CLK3: variants seen among roughly 807,000 people sequenced by gnomAD.
CLK3 encodes dual specificity protein kinase CLK3.
In CLK3, 24 loss-of-function variants were observed where a neutral mutation model predicts 65.2. That is an observed-to-expected ratio of 0.37 (90% CI 0.27 to 0.52). The LOEUF is 0.52. Ranked by LOEUF, CLK3 falls within the 20% of genes least tolerant of loss-of-function variation. CLK3 has a pLI of 0.92. For missense variants in CLK3, 506 were observed against 660.0 expected (o/e 0.77, Z 2.56); for synonymous variants, 252 against 240.8 (o/e 1.05, Z -0.43).
At chr15:74,617,621 A>G (rs1183323192) in intron 1 of CLK3, among the ~76,000 whole-genome samples, 1 of 152,266 alleles carries the variant, frequency 6.6e-6, no homozygotes, top group African/African-American at 2.4e-5. Flanking sequence ...ATGTATGGAC[A>G]TAAGAATCTT....
At chr15:74,619,877 A>G in intron 2 of CLK3, 132 bp from the exon 3 acceptor site, 1 of 1,450,222 alleles carries the variant, frequency 6.9e-7, no homozygotes. Flanking sequence ...CTCTCTGCCC[A>G]CTTCCCACCA....
intron 2 of CLK3, among the ~76,000 whole-genome samples, chr15:74,619,761 G>T (rs2062086591): frequency 6.6e-6 from 1 of 152,132 alleles, no homozygotes; most frequent in Non-Finnish European, 1.5e-5. Context: ...ACCCTTGGAG[G>T]CACTCTACCA....
upstream of CLK3, among the ~76,000 whole-genome samples, chr15:74,612,781 A>G (rs1001922081): frequency 6.6e-6 from 1 of 152,202 alleles, no homozygotes; most frequent in Non-Finnish European, 1.5e-5. Context: ...AAGACAGACC[A>G]TGAGGACTGG....
At chr15:74,615,665 C>T (rs1322366796), upstream of CLK3, 1 of 1,246,672 alleles carries the variant, frequency 8.0e-7, no homozygotes, top group East Asian at 3.2e-5. Flanking sequence ...CCTCGGCCCT[C>T]CCGGAACTAG....
intron 7 of CLK3, chr15:74,626,941 A>C (rs1427159522): frequency 1.1e-5 from 5 of 455,628 alleles, no homozygotes; most frequent in African/African-American, 2.0e-5. Flanking sequence ...CACCACCTTA[A>C]TATTCTTAGT....
Position 74,621,373 on chromosome 15 carries a change from A to G in CLK3, c.370-747A>G, listed in dbSNP as rs989130808. The stretch of plus-strand genomic sequence containing the variant: ...AGCTGGCATGGGGCCTGTGTGGGCC[A>G]TTGTGGTAGGAAGCCTGGCAGTCGA... On this transcript the variant is annotated intron_variant, in intron 3 of 12. Coordinates refer to ENST00000395066, the MANE Select transcript of CLK3 (RefSeq NM_001130028.2). The surrounding 1 kb of genome is among the most constrained non-coding windows in gnomAD (Gnocchi z 4.8). The G allele has an allele frequency of 1.2e-5, 2 of 161,970 alleles. No homozygotes were observed. Among genetic ancestry groups the G allele is most frequent in the Non-Finnish European group, 2.7e-5 (2 of 73,508 alleles). 10.0% of individuals were successfully genotyped at this position (161,970 alleles called of 1,614,324 possible).
chr15:74,625,984 CAAA>C lies in CLK3; in HGVS notation c.817+18_817+20del, dbSNP rs2062140748. 6.2e-7 allele frequency: 1 copy of C among 1,612,866 alleles called. No individual in the cohort carries two copies. Among genetic ancestry groups the C allele is most frequent in the Non-Finnish European group, 8.5e-7 (1 of 1,178,980 alleles). ...GCCCTTAGATGTAAGTGTCCACCCT[CAAA>C]AGAAGCATGGGCAGCCACATGCCTG... On this transcript the variant is annotated intron_variant, in intron 7 of 12. Transcript: ENST00000395066.
Position 74,622,082 on chromosome 15 carries a change from G to T in CLK3, c.370-38G>T. 1 of 1,593,890 alleles carries T rather than the reference G, an allele frequency of 6.3e-7. No homozygotes were observed. The highest frequency in any genetic ancestry group is 1.1e-5 in the South Asian group (1 of 90,592). On this transcript the variant is annotated intron_variant, in intron 3 of 12. Coordinates refer to ENST00000395066, the MANE Select transcript of CLK3 (RefSeq NM_001130028.2). This position sits in a 1 kb window ranked among gnomAD's most constrained non-coding sequence, Gnocchi z 4.6. ...TGTCAATCGGAACCGCCTACCATGCGATTGGTCGGATGGCGTTTCGGGGGG... is the reference window on the plus strand; with the variant it reads ...TGTCAATCGGAACCGCCTACCATGCTATTGGTCGGATGGCGTTTCGGGGGG...
upstream of CLK3, among the ~76,000 whole-genome samples, chr15:74,611,440 G>A (rs564756590): frequency 2.4e-4 from 36 of 152,370 alleles, no homozygotes; most frequent in African/African-American, 7.7e-4. Flanking sequence ...CCAAGTCCCA[G>A]CTTGTGCTCC....
chr15:74,622,936 G>A lies in CLK3; in HGVS notation c.533+376G>A, dbSNP rs1231820337. ...TTCTTGGCTTAGCAAGGGGCTAGGA[G>A]TACCAATAAGCCCAGCCCAAGCATA... On this transcript the variant is annotated intron_variant, in intron 5 of 12. Transcript: ENST00000395066. This position sits in a 1 kb window ranked among gnomAD's most constrained non-coding sequence, Gnocchi z 4.6. Among the ~76,000 whole-genome samples the A allele has an allele frequency of 1.3e-5, 2 of 152,178 alleles. No homozygotes were observed. The highest frequency in any genetic ancestry group is 2.4e-5 in the African/African-American group (1 of 41,432).
chr15:74,622,643 T>G lies in CLK3; in HGVS notation c.533+83T>G. 1 of 1,086,900 alleles carries G rather than the reference T, an allele frequency of 9.2e-7. No homozygotes were observed. Among genetic ancestry groups the G allele is most frequent in the Non-Finnish European group, 1.3e-6 (1 of 750,694 alleles). The allele number at this position is 1,086,900 out of a possible 1,614,324, so 67.3% of individuals were successfully genotyped here. A position where few individuals can be genotyped will look rare whatever the true frequency, so the allele number is the denominator to read the frequency against. ...GCCTGAGGTTCTTGAGGGTGGCAGC[T>G]ATCAGAGCTTAACTTTTTTCTTTTT... On this transcript the variant is annotated intron_variant, in intron 5 of 12. Coordinates refer to ENST00000395066, the MANE Select transcript of CLK3 (RefSeq NM_001130028.2). The surrounding 1 kb of genome is among the most constrained non-coding windows in gnomAD (Gnocchi z 4.6).
rs758539023 is a variant in CLK3 at position 74,628,700 on chromosome 15, C to G, written c.1205+17C>G. On this transcript the variant is annotated intron_variant, in intron 11 of 12. Transcript: ENST00000395066. ...CCGTACCAGGTAAGGACCCCAGTAG[C>G]CCCCTCAGGGTTGGTATAGAGGCCT... The G allele has an allele frequency of 6.9e-6, 11 of 1,601,174 alleles. No homozygotes were observed. In the Admixed American group the frequency reaches 1.5e-4, roughly 22 times the overall value.
rs544232030 is a variant in CLK3 at position 74,620,772 on chromosome 15, G to C, written c.369+547G>C. 308 of 153,646 alleles carry C rather than the reference G, an allele frequency of 2.0e-3. 2 individuals carry two copies. Among genetic ancestry groups the C allele is most frequent in the Non-Finnish European group, 3.0e-3 (208 of 68,906 alleles). 9.5% of individuals were successfully genotyped at this position (153,646 alleles called of 1,614,324 possible). A position where few individuals can be genotyped will look rare whatever the true frequency, so the allele number is the denominator to read the frequency against. The stretch of plus-strand genomic sequence containing the variant: ...AGCTCAGACTGGGAACTTCCCTTCT[G>C]ATCTCCAGCCAGGCCCTCTCCAGCC... On this transcript the variant is annotated intron_variant, in intron 3 of 12. Coordinates refer to ENST00000395066, the MANE Select transcript of CLK3 (RefSeq NM_001130028.2).
intron 2 of CLK3, 105 bp from the exon 3 acceptor site, chr15:74,619,904 C>T: frequency 6.5e-7 from 1 of 1,546,084 alleles, no homozygotes; most frequent in Non-Finnish European, 8.7e-7. Flanking sequence ...ATGCTTTTAG[C>T]ACAGGCTGTC....
In CLK3 at chr15:74,627,179, A is replaced by G; in HGVS notation, c.818-173A>G. 1.4e-6 allele frequency: 1 copy of G among 722,802 alleles called. No homozygotes were observed. Among genetic ancestry groups the G allele is most frequent in the African/African-American group, 1.7e-5 (1 of 57,936 alleles). The allele number at this position is 722,802 out of a possible 1,614,324, so 44.8% of individuals were successfully genotyped here. On this transcript the variant is annotated intron_variant, in intron 7 of 12. Coordinates refer to ENST00000395066, the MANE Select transcript of CLK3 (RefSeq NM_001130028.2). The surrounding 1 kb of genome is among the most constrained non-coding windows in gnomAD (Gnocchi z 4.3). ...GAACCCTCCAAGGCCTCAAGTACAG[A>G]GAACCCTTGAGAGGGAGGCCAGCAC...
At chr15:74,628,104 G>A in intron 10 of CLK3, 52 bp downstream of exon 10, 2 of 1,285,556 alleles carry the variant, frequency 1.6e-6, no homozygotes, top group Non-Finnish European at 2.3e-6. Context: ...ACTGTGATAG[G>A]CTGCAGGCCA....
rs370582702 is a variant in CLK3 at position 74,622,064 on chromosome 15, C to T, written c.370-56C>T. 18 of 1,535,224 alleles carry T rather than the reference C, an allele frequency of 1.2e-5. No individual in the cohort carries two copies. The African/African-American group carries it at 1.5e-4, about 13-fold the overall frequency. On this transcript the variant is annotated intron_variant, in intron 3 of 12. Coordinates refer to ENST00000395066, the MANE Select transcript of CLK3 (RefSeq NM_001130028.2). This position sits in a 1 kb window ranked among gnomAD's most constrained non-coding sequence, Gnocchi z 4.6. Reference sequence around the variant, plus strand: ...TTGACTGACACCTCAATCTGTCAATCGGAACCGCCTACCATGCGATTGGTC... The same window carrying T: ...TTGACTGACACCTCAATCTGTCAATTGGAACCGCCTACCATGCGATTGGTC...
chr15:74,608,608 C>T (rs567282105), intron 1 of CLK3: 6 of 152,498 alleles, frequency 3.9e-5, no homozygotes, highest in South Asian at 4.1e-4. Flanking sequence ...CTAAGGTCAT[C>T]TCACCCCCAC....
Position 74,624,846 on chromosome 15 carries a change from TG to T in CLK3, c.534-52del. 2.3e-6 allele frequency: 3 copies of T among 1,318,018 alleles called. No homozygotes were observed. The highest frequency in any genetic ancestry group is 2.2e-6 in the Non-Finnish European group (2 of 926,750). The allele number at this position is 1,318,018 out of a possible 1,614,324, so 81.6% of individuals were successfully genotyped here. Reference sequence around the variant, plus strand: ...GAGTTGCTGGGTTGGGGTGGAGGGTTGGGGAAGGACTGGGCAGCTGCTGATG... The same window carrying T: ...GAGTTGCTGGGTTGGGGTGGAGGGTTGGGAAGGACTGGGCAGCTGCTGATG... On this transcript the variant is annotated intron_variant, in intron 5 of 12. Transcript: ENST00000395066. The surrounding 1 kb of genome is among the most constrained non-coding windows in gnomAD (Gnocchi z 4.2).
Sources: gnomAD v4.1 joint callset for allele counts (sites outside exome capture counted in the v4.1 genomes callset) on GRCh38, gnomAD v4.1.1 for gene constraint, Gnocchi (gnomAD v3.1) non-coding constraint, MANE v1.5 for transcripts, NCBI Gene and HGNC (gene_info 2026-07-23, HGNC 2026-07-21) for gene names.